Variants in GNAT3 observed in about 807,000 individuals in gnomAD.
GNAT3 encodes guanine nucleotide-binding protein G(t) subunit alpha-3.
A neutral mutation model predicts 37.7 loss-of-function variants in GNAT3; 31 were observed. The observed-to-expected ratio is 0.82, with a 90% confidence interval of 0.62 to 1.11. GNAT3 has a LOEUF of 1.11. Ranked by LOEUF, GNAT3 falls within the 50% of genes most tolerant of loss-of-function variation. The pLI is 0.00. For synonymous variants in GNAT3, 138 were observed against 139.8 expected, an observed-to-expected ratio of 0.99 and a Z score of 0.09; for missense variants, 437 against 412.5, an observed-to-expected ratio of 1.06 and a Z score of -0.51.
intron 5 of GNAT3, among the ~76,000 whole-genome samples, chr7:80,471,254 C>T (rs962698564): frequency 2.7e-5 from 4 of 150,440 alleles, no homozygotes; most frequent in African/African-American, 9.8e-5. Flanking sequence ...TGTGCCCACC[C>T]AGATTAAGGA....
rs557214219 is a variant in GNAT3 at position 80,500,298 on chromosome 7, A to G, written c.119-5651T>C. ...TTTTCTACTTTTTTTCACATCTCTT[A>G]CCAAACAGATCCTCCCACAAACCAC... On this transcript the variant is annotated intron_variant, in intron 1 of 7. Coordinates refer to ENST00000398291, the MANE Select transcript of GNAT3 (RefSeq NM_001102386.3). Among the ~76,000 whole-genome samples, 5 of 150,564 alleles carry G rather than the reference A, an allele frequency of 3.3e-5. No individual in the cohort carries two copies. In the South Asian group the frequency reaches 1.0e-3, roughly 31 times the overall value.
chr7:80,460,966 T>A (rs1790038896), intron 7 of GNAT3, among the ~76,000 whole-genome samples: 1 of 151,736 alleles, frequency 6.6e-6, no homozygotes, highest in Admixed American at 6.6e-5. Flanking sequence ...CTCTAAGAAA[T>A]AAGTCCTGTT....
chr7:80,479,274 G>A (rs962628839), intron 3 of GNAT3, among the ~76,000 whole-genome samples: 3 of 152,062 alleles, frequency 2.0e-5, no homozygotes, highest in Non-Finnish European at 4.4e-5. Context: ...TGATATCAAG[G>A]AGGATAATAA....
At chr7:80,470,598 T>C (rs1355495990) in intron 5 of GNAT3, among the ~76,000 whole-genome samples, 2 of 152,164 alleles carry the variant, frequency 1.3e-5, no homozygotes, top group Admixed American at 6.6e-5. Context: ...TTAGCATTCA[T>C]ACTGTAATAG....
intron 2 of GNAT3, among the ~76,000 whole-genome samples, chr7:80,492,308 C>A (rs1454137017): frequency 6.6e-6 from 1 of 151,992 alleles, no homozygotes; most frequent in Non-Finnish European, 1.5e-5. Flanking sequence ...TGTGCCACTG[C>A]ACTCCAGCCT....
chr7:80,504,106 A>G (rs1483020664), intron 1 of GNAT3, among the ~76,000 whole-genome samples: 2 of 152,192 alleles, frequency 1.3e-5, no homozygotes, highest in Admixed American at 1.3e-4. Context: ...GCTTGAGCCC[A>G]GAAGTTTGAG....
intron 3 of GNAT3, among the ~76,000 whole-genome samples, chr7:80,481,829 C>T (rs941953220): frequency 6.6e-6 from 1 of 152,148 alleles, no homozygotes; most frequent in Non-Finnish European, 1.5e-5. Flanking sequence ...AGACTCCTTT[C>T]TACTGATTCT....
At chr7:80,474,451 A>G (rs1474367619) in intron 4 of GNAT3, 72 bp from the exon 5 acceptor site, 21 of 621,134 alleles carry the variant, frequency 3.4e-5, no homozygotes, top group Non-Finnish European at 5.4e-5. Context: ...GTATATATAC[A>G]CACATACATA....
intron 1 of GNAT3, among the ~76,000 whole-genome samples, chr7:80,497,600 A>ATATACGTATATACATATACGTATATG (rs1562732868): frequency 5.1e-5 from 5 of 98,566 alleles, no homozygotes; most frequent in South Asian, 5.3e-4. Context: ...ATACGTATAT[A>ATATACGTATATACATATACGTATATG]CATATACGTA....
At chr7:80,504,110 G>C (rs1180352062) in intron 1 of GNAT3, among the ~76,000 whole-genome samples, 1 of 152,126 alleles carries the variant, frequency 6.6e-6, no homozygotes, top group Non-Finnish European at 1.5e-5. Context: ...GAGCCCAGAA[G>C]TTTGAGATCA....
chr7:80,470,814 A>G (rs1790201529), intron 5 of GNAT3, among the ~76,000 whole-genome samples: 1 of 152,054 alleles, frequency 6.6e-6, no homozygotes, highest in Admixed American at 6.5e-5. Context: ...TTTAAAATTA[A>G]TATTTTATTT....
At chr7:80,489,429 C>T (rs1181457631) in intron 2 of GNAT3, among the ~76,000 whole-genome samples, 1 of 151,944 alleles carries the variant, frequency 6.6e-6, no homozygotes, top group Non-Finnish European at 1.5e-5. Context: ...TCTATTTTCT[C>T]TTATTGTCTT....
intron 4 of GNAT3, 57 bp downstream of exon 4, chr7:80,478,784 A>G (rs1790343933): frequency 1.3e-6 from 2 of 1,533,906 alleles, no homozygotes; most frequent in East Asian, 4.6e-5. Flanking sequence ...ATGCAGAATT[A>G]TAATTCTTAA....
chr7:80,465,281 A>C (rs1390482749), intron 5 of GNAT3, among the ~76,000 whole-genome samples: 1 of 152,172 alleles, frequency 6.6e-6, no homozygotes, highest in Non-Finnish European at 1.5e-5. Flanking sequence ...AAATAGAAAT[A>C]GTTGAGATCA....
intron 1 of GNAT3, among the ~76,000 whole-genome samples, chr7:80,507,603 G>A (rs960364755): frequency 3.3e-5 from 5 of 151,954 alleles, no homozygotes; most frequent in South Asian, 2.1e-4. Flanking sequence ...ACTCTGGGAA[G>A]TACAAAACGC....
At chr7:80,511,080 G>GA (rs1465654566) in intron 1 of GNAT3, among the ~76,000 whole-genome samples, 6 of 151,810 alleles carry the variant, frequency 4.0e-5, no homozygotes, top group Middle Eastern at 3.2e-3. Flanking sequence ...ATGCTTTATA[G>GA]AAAAAATCTG....
intron 5 of GNAT3, among the ~76,000 whole-genome samples, chr7:80,463,274 A>C (rs992772959): frequency 1.3e-5 from 2 of 152,178 alleles, no homozygotes; most frequent in African/African-American, 2.4e-5. Flanking sequence ...CATGACACTT[A>C]GAGAAGGTGT....
intron 1 of GNAT3, among the ~76,000 whole-genome samples, chr7:80,510,255 G>C (rs1791042131): frequency 6.6e-6 from 1 of 151,976 alleles, no homozygotes; most frequent in Non-Finnish European, 1.5e-5. Context: ...CTTTTGGCAT[G>C]TTTAATAGTT....
In GNAT3 at chr7:80,462,149, A is replaced by C. The variant is rs1243446908; in HGVS notation, c.874+10T>G. 1 of 1,518,646 alleles carries C rather than the reference A, an allele frequency of 6.6e-7. No homozygotes were observed. The highest frequency in any genetic ancestry group is 8.8e-7 in the Non-Finnish European group (1 of 1,130,708). The allele number at this position is 1,518,646 out of a possible 1,614,324, so 94.1% of individuals were successfully genotyped here. ...TTTATTTCTATGGAACTAAAAGAAA[A>C]AAATCTTACCAGTGTATTCTGGAAA... On this transcript the variant is annotated intron_variant, in intron 7 of 7. Transcript: ENST00000398291.
Sources: allele counts gnomAD v4.1 joint callset (sites outside exome capture counted in the v4.1 genomes callset), GRCh38; gene constraint gnomAD v4.1.1; transcripts MANE v1.5; gene names NCBI Gene and HGNC (gene_info 2026-07-23, HGNC 2026-07-21).